Variants in NEURL3 observed in about 807,000 individuals in gnomAD.
NEURL3 encodes the protein neuralized E3 ubiquitin protein ligase 3.
Under a neutral mutation model 17.6 loss-of-function variants are expected in NEURL3, and 19 were observed. The observed-to-expected ratio is 1.08, with a 90% confidence interval of 0.75 to 1.58. The LOEUF (loss-of-function observed/expected upper bound fraction) is 1.58. Ranked by LOEUF, NEURL3 falls within the 40% of genes most tolerant of loss-of-function variation. The probability of loss-of-function intolerance (pLI) is 0.00; values close to 1 mark genes in which losing one functional copy is unlikely to be tolerated. For missense variants in NEURL3, 342 were observed against 379.6 expected (o/e 0.90, Z 0.82); for synonymous variants, 180 against 161.4 (o/e 1.11, Z -0.87).
At chr2:96,507,114 T>G (rs1484877650), upstream of NEURL3, among the ~76,000 whole-genome samples, 1 of 152,196 alleles carries the variant, frequency 6.6e-6, no homozygotes, top group African/African-American at 2.4e-5. Context: ...AGTAGGGCCA[T>G]GAGGCCATAA....
chr2:96,506,233 G>A (rs1163618640), upstream of NEURL3, among the ~76,000 whole-genome samples: 1 of 152,048 alleles, frequency 6.6e-6, no homozygotes, highest in Admixed American at 6.5e-5. Context: ...TTTGAGACAG[G>A]GTCTCACTGT....
chr2:96,500,428 G>C lies in NEURL3; in HGVS notation c.514+11C>G. The stretch of plus-strand genomic sequence containing the variant: ...CCCACCTCCCCTGCGGGGTCCCCAT[G>C]GTCGCCTCACCCAGCAGCTCGATGG... On this transcript the variant is annotated intron_variant, in intron 2 of 3. Transcript: ENST00000451794. 1 of 1,596,912 alleles carries C rather than the reference G, an allele frequency of 6.3e-7. No homozygotes were observed. Among genetic ancestry groups the C allele is most frequent in the African/African-American group, 1.3e-5 (1 of 75,012 alleles).
At chr2:96,505,892 T>A (rs1302499035), upstream of NEURL3, among the ~76,000 whole-genome samples, 1 of 152,200 alleles carries the variant, frequency 6.6e-6, no homozygotes, top group East Asian at 1.9e-4. Flanking sequence ...GGAGAGGAGC[T>A]GATGGTCCCT....
At chr2:96,500,270 A>G (rs2065488532) in intron 2 of NEURL3, 169 bp downstream of exon 2, 1 of 935,704 alleles carries the variant, frequency 1.1e-6, no homozygotes. Context: ...CCTACGACTG[A>G]GCCTTGTCTA....
In NEURL3 at chr2:96,498,408, C is replaced by T. The variant is rs369420761; in HGVS notation, c.625G>A (p.Ala209Thr). The part of the protein sequence containing the change: ...GEECAICFYH[A>T]ANTRLVPCGH... ...CAGGGCACAAGGCGGGTGTTGGCAG[C>T]GTGATAGAAGCAGATGGCACACTCC... Residue 209 changes from alanine to threonine, a missense_variant, in exon 4 of 4, where the codon GCT (alanine) becomes ACT (threonine). Physicochemically the swap from Ala to Thr is moderately conservative, Grantham distance 58 (BLOSUM62 0). Transcript: ENST00000451794. The surrounding 1 kb of genome is among the most constrained non-coding windows in gnomAD (Gnocchi z 4.4). 1.6e-4 allele frequency: 259 copies of T among 1,598,880 alleles called. No homozygotes were observed. Among genetic ancestry groups the T allele is most frequent in the Middle Eastern group, 5.0e-4 (3 of 6,054 alleles).
intron 1 of NEURL3, among the ~76,000 whole-genome samples, chr2:96,503,023 G>C (rs1273884631): frequency 6.6e-6 from 1 of 152,226 alleles, no homozygotes; most frequent in African/African-American, 2.4e-5. Context: ...GTGCTCATTG[G>C]GGATGGAGTT....
At chr2:96,507,638 AT>A (rs1179423119), upstream of NEURL3, among the ~76,000 whole-genome samples, 4 of 151,952 alleles carry the variant, frequency 2.6e-5, no homozygotes, top group African/African-American at 9.7e-5. Context: ...TAATTTTTGT[AT>A]TTTTAGTAGA....
chr2:96,499,103 G>A, intron 3 of NEURL3: 1 of 1,070,942 alleles, frequency 9.3e-7, no homozygotes, highest in Non-Finnish European at 1.2e-6. Flanking sequence ...ATTTCCATTG[G>A]CAAAGCATTT....
rs1339959558 is a variant in NEURL3, at chr2:96,498,411, G to C, written c.622C>G (p.His208Asp). The change falls in exon 4 of 4, where the codon CAC (histidine) becomes GAC (aspartate). Residue 208 changes from histidine (H) to aspartate (D), a missense_variant. By Grantham distance (81) the His-to-Asp change is moderately conservative (BLOSUM62 -1). Transcript: ENST00000451794. This position sits in a 1 kb window ranked among gnomAD's most constrained non-coding sequence, Gnocchi z 4.4. ...GGCACAAGGCGGGTGTTGGCAGCGT[G>C]ATAGAAGCAGATGGCACACTCCTCT... ...PGEECAICFY[H>D]AANTRLVPCG... is the part of the protein sequence containing the mutation. 6.3e-7 allele frequency: 1 copy of C among 1,598,918 alleles called. No homozygotes were observed. Among genetic ancestry groups the C allele is most frequent in the South Asian group, 1.1e-5 (1 of 91,036 alleles).
chr2:96,498,564 T>A lies in NEURL3; in HGVS notation c.587-118A>T. On this transcript the variant is annotated intron_variant, in intron 3 of 3. Coordinates refer to ENST00000451794, the MANE Select transcript of NEURL3 (RefSeq NM_001285485.2). This position sits in a 1 kb window ranked among gnomAD's most constrained non-coding sequence, Gnocchi z 4.4. The stretch of plus-strand genomic sequence containing the variant: ...TAGCTATATTTTGAAGAATGTTACC[T>A]AGTGAGGAAATGCTTACAGTGTAAT... The A allele has an allele frequency of 1.0e-6, 1 of 960,746 alleles. No homozygotes were observed. Among genetic ancestry groups the A allele is most frequent in the South Asian group, 1.7e-5 (1 of 58,086 alleles). The allele number at this position is 960,746 out of a possible 1,614,324, so 59.5% of individuals were successfully genotyped here.
chr2:96,505,302 G>A lies in NEURL3; in HGVS notation c.-16C>T, dbSNP rs370702732. 1.6e-4 allele frequency: 263 copies of A among 1,599,074 alleles called. No homozygotes were observed. In the African/African-American group the frequency reaches 1.8e-3, roughly 11 times the overall value. On this transcript the variant is annotated 5_prime_UTR_variant, in exon 1 of 4. Coordinates refer to ENST00000451794, the MANE Select transcript of NEURL3 (RefSeq NM_001285485.2). The stretch of plus-strand genomic sequence containing the variant: ...GGGCACCCATCAGTCTAAGGTCCTC[G>A]GGCACAGGTCCCCAGGTCTAGAAGG...
Position 96,500,505 on chromosome 2 carries a change from G to C in NEURL3, c.448C>G (p.Pro150Ala). ...ACGGCCCAGAGCGGGGCGCCGACGG[G>C]CACGCCCTCACGCAGCAGGAGCCGG... is the stretch of plus-strand genomic sequence containing the variant. ...GCRLLLREGV[P>A]VGAPLWAVMD... The change falls in exon 2 of 4, where the codon CCC becomes GCC. Residue 150 changes from proline (P) to alanine (A), a missense_variant. Physicochemically the swap from Pro to Ala is conservative, Grantham distance 27. Coordinates refer to ENST00000451794, the MANE Select transcript of NEURL3 (RefSeq NM_001285485.2). 1 of 1,591,856 alleles carries C rather than the reference G, an allele frequency of 6.3e-7. No individual in the cohort carries two copies. Among genetic ancestry groups the C allele is most frequent in the Non-Finnish European group, 8.5e-7 (1 of 1,177,194 alleles).
intron 2 of NEURL3, 155 bp from the exon 3 acceptor site, chr2:96,499,604 T>C: frequency 5.7e-6 from 1 of 174,472 alleles, no homozygotes; most frequent in Non-Finnish European, 1.1e-5. Flanking sequence ...GTCCTGGCCA[T>C]CCCTTCCCCA....
intron 1 of NEURL3, among the ~76,000 whole-genome samples, chr2:96,504,357 C>T (rs2065540891): frequency 6.6e-6 from 1 of 152,244 alleles, no homozygotes; most frequent in South Asian, 2.1e-4. Flanking sequence ...GATCCCAGCG[C>T]TGCTCCTGGC....
At position 96,498,577 on chromosome 2, in the gene NEURL3, CT is replaced by C; in HGVS notation, c.587-132del. 1.2e-6 allele frequency: 1 copy of C among 851,456 alleles called. No individual in the cohort carries two copies. The highest frequency in any genetic ancestry group is 1.8e-6 in the Non-Finnish European group (1 of 567,624). 52.7% of individuals were successfully genotyped at this position (851,456 alleles called of 1,614,324 possible). Reference sequence around the variant, plus strand: ...AAGAATGTTACCTAGTGAGGAAATGCTTACAGTGTAATCAAGTGAAAAAAAG... The same window carrying C: ...AAGAATGTTACCTAGTGAGGAAATGCTACAGTGTAATCAAGTGAAAAAAAG... On this transcript the variant is annotated intron_variant, in intron 3 of 3. Coordinates refer to ENST00000451794, the MANE Select transcript of NEURL3 (RefSeq NM_001285485.2). The surrounding 1 kb of genome is among the most constrained non-coding windows in gnomAD (Gnocchi z 4.4).
In NEURL3 at chr2:96,504,961, G is replaced by A. The variant is rs189406408; in HGVS notation, c.28+298C>T. Among the ~76,000 whole-genome samples the A allele has an allele frequency of 2.0e-5, 3 of 151,822 alleles. No individual in the cohort carries two copies. In the East Asian group the frequency reaches 5.8e-4, roughly 29 times the overall value. On this transcript the variant is annotated intron_variant, in intron 1 of 3. Coordinates refer to ENST00000451794, the MANE Select transcript of NEURL3 (RefSeq NM_001285485.2). The stretch of plus-strand genomic sequence containing the variant: ...CCACTACGGGACACCTGTGGCCTCA[G>A]GTGAGGCTTGCAGAGAACCTTTGTG...
At chr2:96,506,572 C>T (rs887167408), upstream of NEURL3, among the ~76,000 whole-genome samples, 1 of 152,230 alleles carries the variant, frequency 6.6e-6, no homozygotes, top group Non-Finnish European at 1.5e-5. Flanking sequence ...TGACCCTCAA[C>T]CTGTGGGCTA....
At chr2:96,507,847 C>T (rs1449350424), upstream of NEURL3, 4 of 152,254 alleles carry the variant, frequency 2.6e-5, no homozygotes, top group East Asian at 7.7e-4. Flanking sequence ...GTAATCATTT[C>T]CATTATACAC....
At position 96,500,755 on chromosome 2, in the gene NEURL3, C is replaced by T. The variant is rs1445776063; in HGVS notation, c.198G>A (p.Leu66=). 1.3e-6 allele frequency: 2 copies of T among 1,524,124 alleles called. No homozygotes were observed. The highest frequency in any genetic ancestry group is 1.8e-6 in the Non-Finnish European group (2 of 1,141,438). The allele number at this position is 1,524,124 out of a possible 1,614,324, so 94.4% of individuals were successfully genotyped here. ...CGCCGCACCAGCCGCTCTCCTCCCG[C>T]AGCACTCGCAGCGCCACACGCTCGC... ...RLGERVALRV[L]REESGWCGGL... Residue 66 remains leucine (L), a synonymous_variant, in exon 2 of 4, where the codon CTG becomes CTA. Transcript: ENST00000451794.
Sources: gnomAD v4.1 joint callset for allele counts (sites outside exome capture counted in the v4.1 genomes callset) on GRCh38, gnomAD v4.1.1 for gene constraint, Gnocchi (gnomAD v3.1) non-coding constraint, MANE v1.5 for transcripts, NCBI Gene and HGNC (gene_info 2026-07-23, HGNC 2026-07-21) for gene names.